The following STXBP3 variants were observed in gnomAD, a reference collection of about 807,000 sequenced individuals.
STXBP3 encodes the protein syntaxin binding protein 3.
A neutral mutation model predicts 85.7 loss-of-function variants in STXBP3; 41 were observed. The ratio of observed to expected loss-of-function variants is 0.48; its 90% confidence interval spans 0.37 to 0.62. The LOEUF is 0.62. Ranked by LOEUF, STXBP3 falls within the 20% of genes least tolerant of loss-of-function variation. The pLI is 0.00. For missense variants in STXBP3, 563 were observed against 703.1 expected (o/e 0.80, Z 2.25); for synonymous variants, 229 against 231.7 (o/e 0.99, Z 0.10).
Position 108,772,741 on chromosome 1 carries a change from C to T in STXBP3, c.515C>T (p.Ala172Val), listed in dbSNP as rs780364219. 5.6e-6 allele frequency: 9 copies of T among 1,603,820 alleles called. No individual in the cohort carries two copies. In the Admixed American group the frequency reaches 1.5e-4, roughly 27 times the overall value. The change falls in exon 7 of 19, where the codon GCC (alanine) becomes GTC (valine). Residue 172 changes from alanine (A) to valine (V), a missense_variant. By Grantham distance (64) the Ala-to-Val change is moderately conservative. Transcript: ENST00000370008. Reference sequence around the variant, plus strand: ...CCTGGTAATGCAAAGGGAAAAGATGCCATTATGGAAACAATGGCTGACCAG... The same window carrying T: ...CCTGGTAATGCAAAGGGAAAAGATGTCATTATGGAAACAATGGCTGACCAG... The part of the protein sequence containing the change: ...PDPGNAKGKD[A>V]IMETMADQIV...
chr1:108,759,631 G>GT (rs892782992), intron 5 of STXBP3, among the ~76,000 whole-genome samples: 1 of 152,160 alleles, frequency 6.6e-6, no homozygotes, highest in Non-Finnish European at 1.5e-5. Flanking sequence ...TGGCAATTTG[G>GT]AAAAGTAGTA....
chr1:108,763,327 C>A (rs1662184182), intron 6 of STXBP3, among the ~76,000 whole-genome samples: 1 of 152,120 alleles, frequency 6.6e-6, no homozygotes, highest in African/African-American at 2.4e-5. Flanking sequence ...CTTTATCAGC[C>A]ACTTTACTCC....
intron 17 of STXBP3, among the ~76,000 whole-genome samples, chr1:108,802,056 C>G (rs2101137431): frequency 6.6e-6 from 1 of 152,226 alleles, no homozygotes; most frequent in South Asian, 2.1e-4. Context: ...GTGTAGAGAG[C>G]TTATCTTTTC....
chr1:108,775,143 T>G (rs898685980), intron 7 of STXBP3, among the ~76,000 whole-genome samples: 1 of 152,126 alleles, frequency 6.6e-6, no homozygotes, highest in Non-Finnish European at 1.5e-5. Context: ...GAATTACCCT[T>G]TATAGATGTT....
chr1:108,793,382 A>G (rs1390182527), intron 11 of STXBP3, among the ~76,000 whole-genome samples, 200 bp from the exon 12 acceptor site: 1 of 151,928 alleles, frequency 6.6e-6, no homozygotes, highest in Non-Finnish European at 1.5e-5. Context: ...TTATTTATTT[A>G]TGAAGGGAGA....
At chr1:108,779,600 A>G (rs2101122141) in intron 9 of STXBP3, 190 bp downstream of exon 9, 2 of 551,098 alleles carry the variant, frequency 3.6e-6, no homozygotes, top group East Asian at 3.9e-5. Flanking sequence ...TTAAAGTGTA[A>G]TTTGATTGCT....
intron 6 of STXBP3, among the ~76,000 whole-genome samples, chr1:108,761,263 T>C (rs1662136148): frequency 1.3e-5 from 2 of 152,222 alleles, no homozygotes; most frequent in Non-Finnish European, 2.9e-5. Flanking sequence ...TTTTAACATA[T>C]CTGCTTAACA....
In STXBP3 at chr1:108,807,444, A is replaced by C. The variant is rs757268104; in HGVS notation, c.1579A>C (p.Asn527His). The C allele has an allele frequency of 1.6e-5, 25 of 1,612,564 alleles. No homozygotes were observed. In the East Asian group the frequency reaches 4.2e-4, roughly 27 times the overall value. Residue 527 changes from asparagine (N) to histidine (H), a missense_variant, in exon 18 of 19, where the codon AAT becomes CAT. Physicochemically the swap from Asn to His is moderately conservative, Grantham distance 68. Coordinates refer to ENST00000370008, the MANE Select transcript of STXBP3 (RefSeq NM_007269.4). ...AGCTAATTATTTAGAAGACCGAAAA[A>C]ATGGGTCAAAGCTGATTGTTTTTGT... ...PRANYLEDRK[N>H]GSKLIVFVIG...
intron 17 of STXBP3, among the ~76,000 whole-genome samples, chr1:108,805,828 G>A (rs763145297): frequency 6.6e-6 from 1 of 152,090 alleles, no homozygotes; most frequent in Non-Finnish European, 1.5e-5. Context: ...CTAAGAGTTC[G>A]AGGCTGTAGT....
chr1:108,791,226 A>G (rs978134274), intron 11 of STXBP3, among the ~76,000 whole-genome samples: 1 of 152,116 alleles, frequency 6.6e-6, no homozygotes, highest in African/African-American at 2.4e-5. Context: ...GCAGCTGTTA[A>G]GTATTATTGT....
intron 7 of STXBP3, among the ~76,000 whole-genome samples, chr1:108,775,071 T>G (rs1662558170): frequency 6.6e-6 from 1 of 152,144 alleles, no homozygotes; most frequent in Non-Finnish European, 1.5e-5. Flanking sequence ...GAGTTTAATT[T>G]ATTGTACAAT....
At chr1:108,762,469 T>A (rs1440448662) in intron 6 of STXBP3, among the ~76,000 whole-genome samples, 1 of 146,694 alleles carries the variant, frequency 6.8e-6, no homozygotes, top group Non-Finnish European at 1.5e-5. Context: ...TGATTGTAAA[T>A]TTTTTTTTTT....
chr1:108,806,544 GAAGTT>G (rs1271379245), intron 17 of STXBP3, among the ~76,000 whole-genome samples: 1 of 152,120 alleles, frequency 6.6e-6, no homozygotes, highest in Non-Finnish European at 1.5e-5. Context: ...GGTTTAGAGA[GAAGTT>G]AAGTAATTTT....
In STXBP3 at chr1:108,798,222, C is replaced by T; in HGVS notation, c.1434C>T (p.Ile478=). The T allele has an allele frequency of 6.2e-7, 1 of 1,609,536 alleles. No homozygotes were observed. Among genetic ancestry groups the T allele is most frequent in the African/African-American group, 1.3e-5 (1 of 74,090 alleles). Residue 478 remains isoleucine, a synonymous_variant, in exon 16 of 19, where the codon ATC becomes ATT. Coordinates refer to ENST00000370008, the MANE Select transcript of STXBP3 (RefSeq NM_007269.4). ...TFQLSRWTPF[I]KDIMEDAIDN... ...AGCTCTCTCGGTGGACACCTTTTAT[C>T]AAAGATATTATGGAGGTAAAAATCA... is the stretch of plus-strand genomic sequence containing the variant.
intron 17 of STXBP3, among the ~76,000 whole-genome samples, chr1:108,803,421 G>T (rs1292556257): frequency 5.3e-5 from 8 of 152,130 alleles, no homozygotes; most frequent in Admixed American, 2.6e-4. Context: ...CACCCCTTTC[G>T]TGTGGGCTCA....
Position 108,800,291 on chromosome 1 carries a change from T to G in STXBP3, c.1521T>G (p.Gly507=). The change falls in exon 17 of 19, where the codon GGT becomes GGG. Residue 507 remains glycine, a synonymous_variant. Coordinates refer to ENST00000370008, the MANE Select transcript of STXBP3 (RefSeq NM_007269.4). The part of the protein sequence containing the change: ...YCSQCPAVWN[G]SGAVSARQKP... ...CCCAGTGTCCAGCAGTATGGAATGGTTCAGGAGCTGTAAGGTAAATTCTAC... is the reference window on the plus strand; with the variant it reads ...CCCAGTGTCCAGCAGTATGGAATGGGTCAGGAGCTGTAAGGTAAATTCTAC... The G allele has an allele frequency of 6.2e-7, 1 of 1,610,350 alleles. No individual in the cohort carries two copies. The highest frequency in any genetic ancestry group is 8.5e-7 in the Non-Finnish European group (1 of 1,176,828).
intron 7 of STXBP3, among the ~76,000 whole-genome samples, chr1:108,775,891 T>G (rs890920232): frequency 2.0e-5 from 3 of 151,928 alleles, no homozygotes; most frequent in Admixed American, 6.6e-5. Flanking sequence ...ATCCGATATG[T>G]GTGTCAATGT....
At chr1:108,775,013 AG>A (rs1455424095) in intron 7 of STXBP3, among the ~76,000 whole-genome samples, 2 of 152,126 alleles carry the variant, frequency 1.3e-5, no homozygotes, top group Non-Finnish European at 2.9e-5. Context: ...CGCTTTATAA[AG>A]TATAATTTAA....
intron 7 of STXBP3, among the ~76,000 whole-genome samples, chr1:108,773,982 T>A (rs1371599262): frequency 6.6e-6 from 1 of 152,096 alleles, no homozygotes; most frequent in Non-Finnish European, 1.5e-5. Context: ...TAACAGCATC[T>A]CAGAGGCCTC....
Sources: gnomAD v4.1 joint callset for allele counts (sites outside exome capture counted in the v4.1 genomes callset) on GRCh38, gnomAD v4.1.1 for gene constraint, MANE v1.5 for transcripts, NCBI Gene and HGNC (gene_info 2026-07-23, HGNC 2026-07-21) for gene names.